The following NCALD variants were observed in gnomAD, a reference collection of about 807,000 sequenced individuals.
The protein encoded by NCALD is neurocalcin delta.
Under a neutral mutation model 18.6 loss-of-function variants are expected in NCALD, and 10 were observed. The observed-to-expected ratio is 0.54, with a 90% CI of 0.33 to 0.91. NCALD has a LOEUF of 0.91. NCALD is among the 40% of genes least tolerant of loss of function. The pLI is 0.03. For missense variants in NCALD, 184 were observed against 247.6 expected (o/e 0.74, Z 1.72); for synonymous variants, 88 against 87.4 (o/e 1.01, Z -0.04).
intron 2 of NCALD, among the ~76,000 whole-genome samples, chr8:101,956,885 C>A (rs1167985807): frequency 6.6e-6 from 1 of 152,166 alleles, no homozygotes; most frequent in Non-Finnish European, 1.5e-5. Flanking sequence ...TCTCAAAATG[C>A]ATTCTACCTG....
chr8:101,690,076 T>G (rs947607631), intron 3 of NCALD, among the ~76,000 whole-genome samples: 2 of 152,074 alleles, frequency 1.3e-5, no homozygotes, highest in Non-Finnish European at 2.9e-5. Context: ...TACCCTGATG[T>G]GCTGGAGGAG....
rs546959962 is a variant in NCALD, at chr8:101,882,446, C to T, written c.-20+4695G>A. ...ACCATCTACGAACCAGGAAATAGGA[C>T]CTCGACAGACACCGAATCTGCCAGC... On this transcript the variant is annotated intron_variant, in intron 4 of 6. Coordinates refer to the NCALD transcript ENST00000311028. Among the ~76,000 whole-genome samples, 24 of 152,272 alleles carry T rather than the reference C, an allele frequency of 1.6e-4. 1 individual carries two copies. Among genetic ancestry groups the T allele is most frequent in the African/African-American group, 5.8e-4 (24 of 41,558 alleles).
At chr8:101,971,141 C>A (rs554511230) in intron 2 of NCALD, among the ~76,000 whole-genome samples, 35 of 152,144 alleles carry the variant, frequency 2.3e-4, no homozygotes, top group Non-Finnish European at 3.8e-4. Context: ...GAATCATGAG[C>A]TAACTAAACC....
At chr8:101,931,732 G>A (rs917043775) in intron 2 of NCALD, among the ~76,000 whole-genome samples, 2 of 151,780 alleles carry the variant, frequency 1.3e-5, no homozygotes, top group African/African-American at 2.4e-5. Flanking sequence ...CTACTCTCAT[G>A]TATGGGTGTA....
intron 2 of NCALD, among the ~76,000 whole-genome samples, chr8:101,988,144 G>T: frequency 8.6e-6 from 1 of 116,104 alleles, no homozygotes; most frequent in Non-Finnish European, 1.6e-5. Flanking sequence ...GAAACAGCGA[G>T]ACTCCGTCTC....
chr8:101,986,674 C>T (rs1820825594), intron 2 of NCALD: 1 of 152,356 alleles, frequency 6.6e-6, no homozygotes, highest in Non-Finnish European at 1.5e-5. Context: ...TCTTTGCACT[C>T]CTCCTCACCC....
At chr8:101,934,297 A>C (rs2131720447) in intron 2 of NCALD, among the ~76,000 whole-genome samples, 1 of 152,304 alleles carries the variant, frequency 6.6e-6, no homozygotes, top group East Asian at 1.9e-4. Flanking sequence ...ACCTTCCTGG[A>C]GGGAGTAATA....
chr8:101,861,753 A>T (rs1474583035), intron 4 of NCALD, among the ~76,000 whole-genome samples: 1 of 152,188 alleles, frequency 6.6e-6, no homozygotes, highest in Non-Finnish European at 1.5e-5. Flanking sequence ...TCTCATATGT[A>T]TGATTCCATT....
At chr8:102,059,446 C>T (rs955935811) in intron 1 of NCALD, among the ~76,000 whole-genome samples, 16 of 152,166 alleles carry the variant, frequency 1.1e-4, no homozygotes, top group African/African-American at 3.9e-4. Flanking sequence ...GCAGGCAGTC[C>T]CTGATATTTG....
intron 3 of NCALD, among the ~76,000 whole-genome samples, chr8:101,894,001 C>G (rs370057406): frequency 7.3e-4 from 107 of 147,112 alleles, no homozygotes; most frequent in African/African-American, 2.6e-3. Flanking sequence ...ACTAAGCTCT[C>G]CACCAAGTGG....
intron 4 of NCALD, among the ~76,000 whole-genome samples, chr8:101,825,172 T>C (rs1262357269): frequency 6.6e-6 from 1 of 152,214 alleles, no homozygotes; most frequent in African/African-American, 2.4e-5. Context: ...ATAGGACAAC[T>C]TGCATCCATC....
At chr8:101,770,013 G>C (rs1049209637) in intron 1 of NCALD, among the ~76,000 whole-genome samples, 2 of 152,144 alleles carry the variant, frequency 1.3e-5, no homozygotes, top group African/African-American at 4.8e-5. Flanking sequence ...AGCTTTTGTT[G>C]TTCTTGGCAT....
At chr8:101,984,934 G>A (rs1820748687) in intron 2 of NCALD, among the ~76,000 whole-genome samples, 1 of 152,154 alleles carries the variant, frequency 6.6e-6, no homozygotes, top group Admixed American at 6.5e-5. Flanking sequence ...CACTTTGGGA[G>A]CTGGAATACC....
At chr8:101,808,832 G>A (rs972059287) in intron 4 of NCALD, among the ~76,000 whole-genome samples, 22 of 152,116 alleles carry the variant, frequency 1.4e-4, no homozygotes, top group African/African-American at 5.3e-4. Flanking sequence ...AGACTTCTTG[G>A]AGAAAAGCTG....
intron 2 of NCALD, among the ~76,000 whole-genome samples, chr8:101,921,418 C>T (rs2131650663): frequency 6.6e-6 from 1 of 151,730 alleles, no homozygotes; most frequent in Non-Finnish European, 1.5e-5. Context: ...AAAGGTATCC[C>T]AACTGACATG....
chr8:101,961,383 A>C (rs1298658455), intron 2 of NCALD, among the ~76,000 whole-genome samples: 1 of 152,162 alleles, frequency 6.6e-6, no homozygotes, highest in African/African-American at 2.4e-5. Flanking sequence ...CTCATCTATA[A>C]ATCCTGCAAT....
intron 1 of NCALD, among the ~76,000 whole-genome samples, chr8:102,079,610 G>T (rs1367362388): frequency 2.0e-5 from 3 of 152,194 alleles, no homozygotes; most frequent in African/African-American, 7.2e-5. Context: ...ATTAACTACG[G>T]CTTTAAAGTG....
chr8:102,053,235 A>AT (rs542081848), intron 1 of NCALD, among the ~76,000 whole-genome samples: 30 of 152,294 alleles, frequency 2.0e-4, no homozygotes, highest in African/African-American at 7.2e-4. Flanking sequence ...AGAAATCTTG[A>AT]TTTTTTTAAA....
At chr8:102,001,161 C>T (rs1364097099) in intron 2 of NCALD, among the ~76,000 whole-genome samples, 2 of 152,094 alleles carry the variant, frequency 1.3e-5, no homozygotes, top group Non-Finnish European at 2.9e-5. Flanking sequence ...CTAGAATAAC[C>T]AATGCAGAGA....
Sources: allele counts gnomAD v4.1 joint callset (sites outside exome capture counted in the v4.1 genomes callset), GRCh38; gene constraint gnomAD v4.1.1; transcripts MANE v1.5; gene names NCBI Gene and HGNC (gene_info 2026-07-23, HGNC 2026-07-21).